HIBADH: variants seen among roughly 807,000 people sequenced by gnomAD.
HIBADH encodes 3-hydroxyisobutyrate dehydrogenase, also known as 3-hydroxyisobutyrate dehydrogenase, mitochondrial.
Under a neutral mutation model 36.1 loss-of-function variants are expected in HIBADH, and 25 were observed. The observed-to-expected ratio is 0.69, with a 90% CI of 0.50 to 0.97. The LOEUF is 0.97. Among genes scored for constraint, HIBADH ranks in the 50% least tolerant of loss-of-function variants. HIBADH has a pLI of 0.00. For missense variants in HIBADH, 421 were observed against 418.0 expected (o/e 1.01, Z -0.06); for synonymous variants, 160 against 149.5 (o/e 1.07, Z -0.51).
intron 7 of HIBADH, among the ~76,000 whole-genome samples, chr7:27,527,430 G>A (rs1343162214): frequency 6.6e-6 from 1 of 152,200 alleles, no homozygotes; most frequent in African/African-American, 2.4e-5. Context: ...GCTAGCTGGG[G>A]AGGAGGGAGC....
At chr7:27,649,206 T>C in intron 2 of HIBADH, 1 of 284,738 alleles carries the variant, frequency 3.5e-6, no homozygotes, top group Non-Finnish European at 6.5e-6. Context: ...CTCAGAAAAC[T>C]GATACAGAGC....
chr7:27,576,607 C>G (rs188655751), intron 4 of HIBADH, among the ~76,000 whole-genome samples: 1 of 152,256 alleles, frequency 6.6e-6, no homozygotes, highest in Admixed American at 6.5e-5. Context: ...TTTGAAGAAC[C>G]TATTTACCCT....
intron 2 of HIBADH, among the ~76,000 whole-genome samples, chr7:27,645,558 T>A (rs1046812454): frequency 6.6e-6 from 1 of 151,790 alleles, no homozygotes; most frequent in Non-Finnish European, 1.5e-5. Context: ...TTTTTTGCAT[T>A]TTTAGTAAAG....
Position 27,662,715 on chromosome 7 carries a change from G to A in HIBADH, c.74C>T (p.Ala25Val). 7.3e-7 allele frequency: 1 copy of A among 1,373,852 alleles called. No homozygotes were observed. Among genetic ancestry groups the A allele is most frequent in the Non-Finnish European group, 9.5e-7 (1 of 1,057,578 alleles). 85.1% of individuals were successfully genotyped at this position (1,373,852 alleles called of 1,614,324 possible). ...GTCCTTACCCGCTGCAAAGCTGCCGGCTGCCGGCCGCAGCCGCCGGCTCCA... is the reference window on the plus strand; with the variant it reads ...GTCCTTACCCGCTGCAAAGCTGCCGACTGCCGGCCGCAGCCGCCGGCTCCA... ...RYWSRRLRPA[A>V]GSFAAVCSRS... The change falls in exon 1 of 8, where the codon GCC becomes GTC. Residue 25 changes from alanine (A) to valine (V), a missense_variant. By Grantham distance (64) the Ala-to-Val change is moderately conservative. Transcript: ENST00000265395.
intron 7 of HIBADH, among the ~76,000 whole-genome samples, chr7:27,529,504 A>C (rs1338936427): frequency 6.6e-6 from 1 of 152,238 alleles, no homozygotes; most frequent in Non-Finnish European, 1.5e-5. Flanking sequence ...CAATGGAGAA[A>C]GTCACTGCAG....
At position 27,649,512 on chromosome 7, in the gene HIBADH, G is replaced by C. The variant is rs760371037; in HGVS notation, c.213C>G (p.Phe71Leu). The C allele has an allele frequency of 6.2e-7, 1 of 1,613,470 alleles. No homozygotes were observed. Among genetic ancestry groups the C allele is most frequent in the Non-Finnish European group, 8.5e-7 (1 of 1,179,730 alleles). The change falls in exon 2 of 8, where the codon TTC becomes TTG. Residue 71 changes from phenylalanine to leucine, a missense_variant. Transcript: ENST00000265395. ...CTTGAAACTCTTTGCAGGCATCAGG[G>C]AACACATCATAAATAATAAGTGGAT... The part of the protein sequence containing the change: ...HGYPLIIYDV[F>L]PDACKEFQDA...
At chr7:27,538,488 C>CT in intron 5 of HIBADH, 71 bp from the exon 6 acceptor site, 1 of 1,309,178 alleles carries the variant, frequency 7.6e-7, no homozygotes, top group Non-Finnish European at 1.1e-6. Flanking sequence ...TTTTTCCTTG[C>CT]CCAATTCCAG....
At chr7:27,540,182 T>TGGA (rs1784127744) in intron 5 of HIBADH, among the ~76,000 whole-genome samples, 1 of 152,222 alleles carries the variant, frequency 6.6e-6, no homozygotes, top group Non-Finnish European at 1.5e-5. Flanking sequence ...TTATTTTCAG[T>TGGA]GTCTGTATCA....
At chr7:27,601,928 T>C (rs1322967814) in intron 4 of HIBADH, among the ~76,000 whole-genome samples, 1 of 152,082 alleles carries the variant, frequency 6.6e-6, no homozygotes, top group African/African-American at 2.4e-5. Context: ...AGTGGGGTCA[T>C]TGAATGGTGT....
intron 2 of HIBADH, among the ~76,000 whole-genome samples, chr7:27,642,677 A>G (rs1785983033): frequency 3.5e-5 from 4 of 115,742 alleles, no homozygotes; most frequent in Admixed American, 1.2e-4. Context: ...TTTGAGACGG[A>G]GTCTCGCTCT....
At chr7:27,533,040 C>T (rs939033410) in intron 6 of HIBADH, among the ~76,000 whole-genome samples, 2 of 152,128 alleles carry the variant, frequency 1.3e-5, no homozygotes, top group African/African-American at 4.8e-5. Flanking sequence ...GACTCCAAAA[C>T]GTCACTTTCT....
At chr7:27,598,016 T>C (rs1160747689) in intron 4 of HIBADH, among the ~76,000 whole-genome samples, 1 of 152,212 alleles carries the variant, frequency 6.6e-6, no homozygotes, top group African/African-American at 2.4e-5. Flanking sequence ...CCAAGCAATG[T>C]GATTAGAATC....
In HIBADH at chr7:27,529,991, C is replaced by CT. The variant is rs554171321; in HGVS notation, c.852+1200dup. On this transcript the variant is annotated intron_variant, in intron 7 of 7. Coordinates refer to ENST00000265395, the MANE Select transcript of HIBADH (RefSeq NM_152740.4). ...CACTGAAGGCTCAGATAATTGTTAGCTTTTTTAGCAATAGAGCATTTTAAA... is the reference window on the plus strand; with the variant it reads ...CACTGAAGGCTCAGATAATTGTTAGCTTTTTTTAGCAATAGAGCATTTTAAA... Among the ~76,000 whole-genome samples the CT allele has an allele frequency of 5.9e-5, 9 of 152,230 alleles. No individual in the cohort carries two copies. In the East Asian group the frequency reaches 1.5e-3, roughly 26 times the overall value.
intron 2 of HIBADH, among the ~76,000 whole-genome samples, chr7:27,639,848 A>C (rs186123769): frequency 3.3e-5 from 5 of 152,370 alleles, no homozygotes; most frequent in African/African-American, 1.2e-4. Context: ...TTAAAGGCAT[A>C]AACAAGCTAT....
At chr7:27,539,583 A>C (rs1400986513) in intron 5 of HIBADH, among the ~76,000 whole-genome samples, 4 of 152,150 alleles carry the variant, frequency 2.6e-5, no homozygotes, top group South Asian at 2.1e-4. Context: ...CTTGCTTTTC[A>C]AGAAAAATTT....
Position 27,631,166 on chromosome 7 carries a change from A to C in HIBADH, c.362+1170T>G, listed in dbSNP as rs548649415. 3.3e-5 allele frequency among the ~76,000 whole-genome samples: 5 copies of C among 152,342 alleles called. No homozygotes were observed. The South Asian group carries it at 1.0e-3, about 32-fold the overall frequency. On this transcript the variant is annotated intron_variant, in intron 3 of 7. Transcript: ENST00000265395. ...AAATGTAGGGCTATGTCTCCTCAGA[A>C]GTTTTTAGTAACTTTTCTTTCAGAG...
intron 4 of HIBADH, among the ~76,000 whole-genome samples, chr7:27,599,405 G>A (rs1437714224): frequency 1.3e-5 from 2 of 152,126 alleles, no homozygotes; most frequent in East Asian, 1.9e-4. Context: ...ATTGATGGCC[G>A]GGTGCGGTGG....
chr7:27,648,830 TAACTC>T (rs1057371716), intron 2 of HIBADH, among the ~76,000 whole-genome samples: 2 of 152,214 alleles, frequency 1.3e-5, no homozygotes, highest in Non-Finnish European at 2.9e-5. Flanking sequence ...AGATCCACTA[TAACTC>T]AACTCTTCAT....
At chr7:27,570,676 T>C (rs1290011641) in intron 4 of HIBADH, among the ~76,000 whole-genome samples, 1 of 151,318 alleles carries the variant, frequency 6.6e-6, no homozygotes, top group African/African-American at 2.4e-5. Flanking sequence ...TAAATTTTAC[T>C]GTATATAAAT....
Sources: gnomAD v4.1 joint callset for allele counts (sites outside exome capture counted in the v4.1 genomes callset) on GRCh38, gnomAD v4.1.1 for gene constraint, MANE v1.5 for transcripts, NCBI Gene and HGNC (gene_info 2026-07-23, HGNC 2026-07-21) for gene names.